Variants in PADI1 observed in about 807,000 individuals in gnomAD.
The protein encoded by PADI1 is protein-arginine deiminase type-1.
PADI1 carries 65 observed loss-of-function variants against 74.8 expected under a neutral mutation model. The observed-to-expected ratio is 0.87, with a 90% CI of 0.71 to 1.07. PADI1 has a LOEUF of 1.07. Ranked by LOEUF, PADI1 falls within the 50% of genes least tolerant of loss-of-function variation. The pLI is 0.00. For synonymous variants in PADI1, 371 were observed against 336.2 expected, an observed-to-expected ratio of 1.10 and a Z score of -1.13; for missense variants, 943 against 854.0, an observed-to-expected ratio of 1.10 and a Z score of -1.30.
chr1:17,218,066 C>T (rs1217153412), intron 1 of PADI1, among the ~76,000 whole-genome samples: 2 of 152,154 alleles, frequency 1.3e-5, no homozygotes, highest in Non-Finnish European at 2.9e-5. Flanking sequence ...TATCAACCAA[C>T]GTTTACGTCA....
chr1:17,224,339 C>T lies in PADI1; in HGVS notation c.347-28C>T, dbSNP rs772781880. The T allele has an allele frequency of 2.5e-6, 4 of 1,608,360 alleles. No individual in the cohort carries two copies. In the South Asian group the frequency reaches 4.4e-5, roughly 18 times the overall value. ...TGTGAAGATGGGGCTGGATGAGCCC[C>T]TGGCAGCCCCTCTCCATCTCTTTGC... is the stretch of plus-strand genomic sequence containing the variant. On this transcript the variant is annotated intron_variant, in intron 3 of 15. Coordinates refer to ENST00000375471, the MANE Select transcript of PADI1 (RefSeq NM_013358.3).
Position 17,233,006 on chromosome 1 carries a change from G to A in PADI1, c.1313+36G>A, listed in dbSNP as rs1226654603. 5.8e-6 allele frequency: 9 copies of A among 1,555,124 alleles called. No individual in the cohort carries two copies. In the East Asian group the frequency reaches 9.3e-5, roughly 16 times the overall value. On this transcript the variant is annotated intron_variant, in intron 11 of 15. Coordinates refer to ENST00000375471, the MANE Select transcript of PADI1 (RefSeq NM_013358.3). ...GGGGCGGGAGGTGGGGAGGCACAAG[G>A]GAATGACTGCAGCATCCACCCTCCC...
At chr1:17,228,881 G>T in intron 7 of PADI1, 67 bp from the exon 8 acceptor site, 2 of 1,586,684 alleles carry the variant, frequency 1.3e-6, no homozygotes, top group South Asian at 2.2e-5. Flanking sequence ...GCAGGCTGGG[G>T]GCTGGGGGGG....
At chr1:17,209,409 G>GC (rs988611321) in intron 1 of PADI1, among the ~76,000 whole-genome samples, 2 of 152,192 alleles carry the variant, frequency 1.3e-5, no homozygotes, top group Non-Finnish European at 2.9e-5. Context: ...GCCCTGACAG[G>GC]CCCGGGGGTT....
intron 14 of PADI1, 140 bp from the exon 15 acceptor site, chr1:17,240,495 T>A: frequency 1.1e-6 from 1 of 875,010 alleles, no homozygotes; most frequent in Non-Finnish European, 1.7e-6. Context: ...ACAGCAATGG[T>A]TTCTATTGCA....
chr1:17,212,482 G>C (rs2977279), intron 1 of PADI1, among the ~76,000 whole-genome samples: 134,690 of 150,918 alleles, frequency 0.89, 60,553 homozygotes, highest in East Asian at 0.99. Context: ...CATGTCCAAA[G>C]TGCAGGATAG....
intron 1 of PADI1, among the ~76,000 whole-genome samples, chr1:17,213,028 TCTC>T (rs1180497465): frequency 2.0e-5 from 3 of 152,196 alleles, no homozygotes; most frequent in African/African-American, 7.2e-5. Context: ...TCCCTGATCG[TCTC>T]CTCCTTCCAG....
chr1:17,240,198 C>T, intron 14 of PADI1: 1 of 241,558 alleles, frequency 4.1e-6, no homozygotes, highest in South Asian at 6.9e-5. Flanking sequence ...CAGGGCTCAC[C>T]CCAAGGATAA....
At chr1:17,240,813 A>G in intron 15 of PADI1, 53 bp downstream of exon 15, 1 of 1,589,976 alleles carries the variant, frequency 6.3e-7, no homozygotes, top group East Asian at 2.3e-5. Context: ...CTCTGAGAAG[A>G]AGCACTCCCT....
At position 17,230,601 on chromosome 1, in the gene PADI1, C is replaced by A. The variant is rs1017433775; in HGVS notation, c.1083C>A (p.Ala361=). The change falls in exon 10 of 16, where the codon GCC becomes GCA. Residue 361 remains alanine (A), a synonymous_variant. Coordinates refer to ENST00000375471, the MANE Select transcript of PADI1 (RefSeq NM_013358.3). The stretch of plus-strand genomic sequence containing the variant: ...AGATGGAGTTTGGCTACATCGAGGC[C>A]CCTCACAAATCCTTCCCCGTGGTCT... The part of the protein sequence containing the change: ...QDEMEFGYIE[A]PHKSFPVVFD... 6.2e-7 allele frequency: 1 copy of A among 1,612,092 alleles called. No individual in the cohort carries two copies. Among genetic ancestry groups the A allele is most frequent in the African/African-American group, 1.3e-5 (1 of 74,722 alleles).
intron 1 of PADI1, among the ~76,000 whole-genome samples, chr1:17,214,805 G>C (rs886884308): frequency 6.6e-6 from 1 of 152,210 alleles, no homozygotes; most frequent in Non-Finnish European, 1.5e-5. Context: ...GATAAGGAAA[G>C]GCAGTATAAG....
intron 13 of PADI1, 37 bp from the exon 14 acceptor site, chr1:17,239,667 G>T (rs2072731224): frequency 1.3e-6 from 2 of 1,515,100 alleles, no homozygotes; most frequent in South Asian, 1.1e-5. Context: ...TCCAGGCAGT[G>T]CTCCCTGAGC....
At chr1:17,214,847 G>T (rs1170906270) in intron 1 of PADI1, among the ~76,000 whole-genome samples, 2 of 152,222 alleles carry the variant, frequency 1.3e-5, no homozygotes, top group African/African-American at 4.8e-5. Flanking sequence ...CAAGGGTTGG[G>T]GTAGGATGCC....
chr1:17,209,022 A>G (rs965003522), intron 1 of PADI1, among the ~76,000 whole-genome samples: 1 of 152,232 alleles, frequency 6.6e-6, no homozygotes, highest in African/African-American at 2.4e-5. Context: ...GGAGGGGCAT[A>G]GGGAGAAGGG....
intron 6 of PADI1, among the ~76,000 whole-genome samples, chr1:17,227,429 G>C (rs937112111): frequency 6.6e-6 from 1 of 150,642 alleles, no homozygotes; most frequent in African/African-American, 2.4e-5. Flanking sequence ...TACTCTGAAG[G>C]CTGAAGTGGG....
chr1:17,219,794 C>G (rs1363476331), intron 1 of PADI1, among the ~76,000 whole-genome samples: 1 of 152,036 alleles, frequency 6.6e-6, no homozygotes, highest in African/African-American at 2.4e-5. Flanking sequence ...GACCCTTGCC[C>G]ACCTCCAGGC....
At chr1:17,239,639 C>T in intron 13 of PADI1, 65 bp from the exon 14 acceptor site, 3 of 1,211,256 alleles carry the variant, frequency 2.5e-6, no homozygotes, top group Non-Finnish European at 3.7e-6. Context: ...ATTATGTAGC[C>T]CCAGGCTGAA....
At chr1:17,216,862 G>A (rs3115789) in intron 1 of PADI1, among the ~76,000 whole-genome samples, 1 of 151,684 alleles carries the variant, frequency 6.6e-6, no homozygotes, top group African/African-American at 2.4e-5. Context: ...AGAGCACGAC[G>A]TTGTCTCAAA....
At position 17,218,138 on chromosome 1, in the gene PADI1, G is replaced by A. The variant is rs139215523; in HGVS notation, c.93-4152G>A. On this transcript the variant is annotated intron_variant, in intron 1 of 15. Transcript: ENST00000375471. ...AGAATGAGCAGATTGGGATGCAATT[G>A]CATTGGTCAAATCATGGTCAAATTG... Among the ~76,000 whole-genome samples, 1,030 of 152,298 alleles carry A rather than the reference G, an allele frequency of 6.8e-3. 20 individuals are homozygous for A. The highest frequency in any genetic ancestry group is 0.023 in the African/African-American group (975 of 41,562).
Sources: allele counts gnomAD v4.1 joint callset (sites outside exome capture counted in the v4.1 genomes callset), GRCh38; gene constraint gnomAD v4.1.1; transcripts MANE v1.5; gene names NCBI Gene and HGNC (gene_info 2026-07-23, HGNC 2026-07-21).